The following RAB3GAP1 variants were observed in gnomAD, a reference collection of about 807,000 sequenced individuals.
RAB3GAP1 encodes RAB3 GTPase activating protein catalytic subunit 1, also known as rab3 GTPase-activating protein catalytic subunit.
RAB3GAP1 carries 86 observed loss-of-function variants against 130.7 expected under a neutral mutation model. The ratio of observed to expected loss-of-function variants is 0.66; its 90% CI spans 0.55 to 0.79. The LOEUF is 0.79. RAB3GAP1 is among the 30% of genes least tolerant of loss of function. RAB3GAP1 has a pLI of 0.00. For missense variants in RAB3GAP1, 1,029 were observed against 1,169.4 expected, an observed-to-expected ratio of 0.88 and a Z score of 1.75; for synonymous variants, 367 against 401.7, an observed-to-expected ratio of 0.91 and a Z score of 1.03.
intron 3 of RAB3GAP1, among the ~76,000 whole-genome samples, chr2:135,085,947 T>A (rs1237413825): frequency 6.6e-6 from 1 of 152,180 alleles, no homozygotes; most frequent in Non-Finnish European, 1.5e-5. Context: ...GTAACCACAG[T>A]TTTGACTTCC....
Position 135,135,936 on chromosome 2 carries a change from G to T in RAB3GAP1, c.1923+4G>T. ...TCTCTACATTCCAGTAACCCAGGTA[G>T]GATGCACTAGTTCTTTCCATTTTAA... On this transcript the variant is annotated splice_donor_region_variant and intron_variant, in intron 17 of 23. Transcript: ENST00000264158. 1 of 1,613,108 alleles carries T rather than the reference G, an allele frequency of 6.2e-7. No homozygotes were observed. Among genetic ancestry groups the T allele is most frequent in the South Asian group, 1.1e-5 (1 of 91,036 alleles).
intron 5 of RAB3GAP1, among the ~76,000 whole-genome samples, chr2:135,112,827 C>T (rs1035661131): frequency 8.0e-6 from 1 of 125,628 alleles, no homozygotes; most frequent in African/African-American, 4.1e-5. Flanking sequence ...CTCTCTCTCT[C>T]TCTCTCTCAC....
At position 135,090,933 on chromosome 2, in the gene RAB3GAP1, G is replaced by C. The variant is rs368493331; in HGVS notation, c.151-65G>C. ...AGAAAAAGGGGAAAATATCCCTGTCGTTAGTAAATATAATGATAGCTATTG... is the reference window on the plus strand; with the variant it reads ...AGAAAAAGGGGAAAATATCCCTGTCCTTAGTAAATATAATGATAGCTATTG... On this transcript the variant is annotated intron_variant, in intron 3 of 23. Transcript: ENST00000264158. 27 of 1,445,072 alleles carry C rather than the reference G, an allele frequency of 1.9e-5. No homozygotes were observed. In the African/African-American group the frequency reaches 2.1e-4, roughly 11 times the overall value. The allele number at this position is 1,445,072 out of a possible 1,614,324, so 89.5% of individuals were successfully genotyped here. A position where few individuals can be genotyped will look rare whatever the true frequency, so the allele number is the denominator to read the frequency against.
At chr2:135,116,820 G>C (rs906734030) in intron 7 of RAB3GAP1, among the ~76,000 whole-genome samples, 1 of 152,062 alleles carries the variant, frequency 6.6e-6, no homozygotes, top group Non-Finnish European at 1.5e-5. Flanking sequence ...AAAGTCATAT[G>C]GGTGTTCATT....
intron 23 of RAB3GAP1, 146 bp from the exon 24 acceptor site, chr2:135,168,399 T>A: frequency 1.2e-6 from 1 of 802,110 alleles, no homozygotes; most frequent in East Asian, 2.4e-5. Context: ...ATGTGGTTTT[T>A]GAGTAATCTT....
chr2:135,119,144 T>C (rs1044702559), intron 7 of RAB3GAP1, among the ~76,000 whole-genome samples: 2 of 138,180 alleles, frequency 1.4e-5, no homozygotes, highest in African/African-American at 5.3e-5. Context: ...GGCTTCACTC[T>C]GTCACCCAGG....
intron 23 of RAB3GAP1, chr2:135,165,137 A>C (rs965514829): frequency 1.1e-5 from 5 of 456,376 alleles, no homozygotes; most frequent in African/African-American, 2.0e-5. Flanking sequence ...TGGTGAGGAG[A>C]TCTACCTTTG....
intron 22 of RAB3GAP1, 114 bp from the exon 23 acceptor site, chr2:135,164,480 G>A: frequency 1.3e-6 from 1 of 780,216 alleles, no homozygotes; most frequent in Non-Finnish European, 2.3e-6. Context: ...ACCTTGTTGG[G>A]TTTAGCCAGT....
intron 3 of RAB3GAP1, among the ~76,000 whole-genome samples, chr2:135,090,602 T>G (rs1305618809): frequency 6.6e-6 from 1 of 152,206 alleles, no homozygotes; most frequent in African/African-American, 2.4e-5. Context: ...AGCAGGAATC[T>G]GTTAAATAAG....
intron 17 of RAB3GAP1, among the ~76,000 whole-genome samples, chr2:135,145,212 T>C (rs1691960170): frequency 6.6e-6 from 1 of 152,164 alleles, no homozygotes; most frequent in African/African-American, 2.4e-5. Context: ...CTGTCACTTA[T>C]TTATCATTTT....
rs764864449 is a variant in RAB3GAP1 at position 135,117,409 on chromosome 2, T to TTTCTTCTTCTTCTTCTTCTTCTTC, written c.648+2051_648+2074dup. 5.8e-3 allele frequency among the ~76,000 whole-genome samples: 579 copies of TTTCTTCTTCTTCTTCTTCTTCTTC among 100,166 alleles called. 8 individuals are homozygous for TTTCTTCTTCTTCTTCTTCTTCTTC. The highest frequency in any genetic ancestry group is 0.012 in the African/African-American group (325 of 27,846). The allele number at this position is 100,166 out of a possible 152,430, so 65.7% of individuals were successfully genotyped here. ...GTCACATGGAAATATCAATACTTTATTTCTTCTTCTTCTTCTTCTTCTTCT... is the reference window on the plus strand; with the variant it reads ...GTCACATGGAAATATCAATACTTTATTTCTTCTTCTTCTTCTTCTTCTTCTTCTTCTTCTTCTTCTTCTTCTTCT... On this transcript the variant is annotated intron_variant, in intron 7 of 23. Transcript: ENST00000264158.
intron 17 of RAB3GAP1, among the ~76,000 whole-genome samples, chr2:135,138,811 C>G (rs1195251134): frequency 1.3e-5 from 2 of 151,912 alleles, no homozygotes; most frequent in Non-Finnish European, 2.9e-5. Context: ...AAGATGGAGT[C>G]TTGCTATGTT....
chr2:135,143,629 C>T (rs1363972952), intron 17 of RAB3GAP1, among the ~76,000 whole-genome samples: 3 of 149,280 alleles, frequency 2.0e-5, no homozygotes, highest in Non-Finnish European at 3.0e-5. Flanking sequence ...GCGATCTCGG[C>T]TCACTGCAAG....
chr2:135,090,771 T>C (rs946265414), intron 3 of RAB3GAP1, among the ~76,000 whole-genome samples: 1 of 152,186 alleles, frequency 6.6e-6, no homozygotes, highest in East Asian at 1.9e-4. Flanking sequence ...TTAATCTTTG[T>C]AAGTCACTTG....
intron 2 of RAB3GAP1, among the ~76,000 whole-genome samples, chr2:135,053,082 C>G (rs1489935233): frequency 6.6e-6 from 1 of 152,206 alleles, no homozygotes; most frequent in Non-Finnish European, 1.5e-5. Context: ...GCCTCGAACT[C>G]CTAGGCTCAA....
chr2:135,054,945 A>G (rs541298507), intron 2 of RAB3GAP1, among the ~76,000 whole-genome samples: 61 of 152,342 alleles, frequency 4.0e-4, no homozygotes, highest in Non-Finnish European at 6.2e-4. Flanking sequence ...TATGAACTAT[A>G]TAGATAATTT....
chr2:135,129,737 C>T (rs1407162206), intron 11 of RAB3GAP1, among the ~76,000 whole-genome samples: 2 of 152,002 alleles, frequency 1.3e-5, no homozygotes, highest in African/African-American at 2.4e-5. Context: ...CTATTAGGTA[C>T]AGTTATTTTT....
intron 17 of RAB3GAP1, among the ~76,000 whole-genome samples, chr2:135,149,487 G>A (rs1206435477): frequency 6.6e-6 from 1 of 152,164 alleles, no homozygotes; most frequent in African/African-American, 2.4e-5. Flanking sequence ...AGTTTCTGGA[G>A]CCCAAGCTCT....
At chr2:135,070,232 A>G (rs934218358) in intron 3 of RAB3GAP1, among the ~76,000 whole-genome samples, 3 of 152,214 alleles carry the variant, frequency 2.0e-5, no homozygotes, top group Admixed American at 1.3e-4. Flanking sequence ...CCCCAAGGCA[A>G]CTTGGAAATG....
Sources: allele counts gnomAD v4.1 joint callset (sites outside exome capture counted in the v4.1 genomes callset), GRCh38; gene constraint gnomAD v4.1.1; transcripts MANE v1.5; gene names NCBI Gene and HGNC (gene_info 2026-07-23, HGNC 2026-07-21).